Variants in HHIP observed in about 807,000 individuals in gnomAD.
The protein encoded by HHIP is hedgehog-interacting protein.
HHIP carries 12 observed loss-of-function variants against 74.0 expected under a neutral mutation model. That is an observed-to-expected ratio of 0.16 (90% CI 0.10 to 0.26). The LOEUF is 0.26. HHIP is among the 10% of genes least tolerant of loss of function. HHIP has a pLI of 1.00. For missense variants in HHIP, 788 were observed against 845.0 expected (o/e 0.93, Z 0.84); for synonymous variants, 309 against 311.6 (o/e 0.99, Z 0.09).
intron 4 of HHIP, among the ~76,000 whole-genome samples, chr4:144,684,217 C>CA (rs1167254668): frequency 3.6e-3 from 202 of 56,834 alleles, no homozygotes; most frequent in Non-Finnish European, 4.4e-3. Flanking sequence ...ATGAAAAATA[C>CA]AAAAAAAAAA....
In HHIP at chr4:144,646,674, C is replaced by A; in HGVS notation, c.-2C>A. On this transcript the variant is annotated 5_prime_UTR_variant, in exon 1 of 13. Coordinates refer to ENST00000296575, the MANE Select transcript of HHIP (RefSeq NM_022475.3). ...CCCAGCCCCTGCTGCTCTGGGCAGACGATGCTGAAGATGCTCTCCTTTAAG... is the reference window on the plus strand; with the variant it reads ...CCCAGCCCCTGCTGCTCTGGGCAGAAGATGCTGAAGATGCTCTCCTTTAAG... 6.2e-7 allele frequency: 1 copy of A among 1,613,420 alleles called. No homozygotes were observed. The highest frequency in any genetic ancestry group is 8.5e-7 in the Non-Finnish European group (1 of 1,179,566).
chr4:144,662,514 A>G (rs1023007739), intron 4 of HHIP, among the ~76,000 whole-genome samples: 1 of 152,248 alleles, frequency 6.6e-6, no homozygotes, highest in Non-Finnish European at 1.5e-5. Flanking sequence ...TTTTTGCTAT[A>G]GAAAAAAAAG....
rs554741889 is a variant in HHIP, at chr4:144,738,835, G to A, written c.*878G>A. 2 of 252,854 alleles carry A rather than the reference G, an allele frequency of 7.9e-6. No homozygotes were observed. The highest frequency in any genetic ancestry group is 3.0e-4 in the South Asian group (2 of 6,776). 15.7% of individuals were successfully genotyped at this position (252,854 alleles called of 1,614,324 possible). A position where few individuals can be genotyped will look rare whatever the true frequency, so the allele number is the denominator to read the frequency against. The stretch of plus-strand genomic sequence containing the variant: ...AGCAAACAGTCTTTAATGTGCTGTG[G>A]ATCTAATCTAGCAAGGTATCCTTGT... On this transcript the variant is annotated 3_prime_UTR_variant, in exon 13 of 13. Coordinates refer to ENST00000296575, the MANE Select transcript of HHIP (RefSeq NM_022475.3).
At chr4:144,703,081 G>A (rs147126905) in intron 4 of HHIP, among the ~76,000 whole-genome samples, 7 of 152,194 alleles carry the variant, frequency 4.6e-5, no homozygotes, top group Non-Finnish European at 8.8e-5. Context: ...TGGGCATGGT[G>A]CAAGTGCCTG....
chr4:144,693,625 T>TA (rs747982401), intron 4 of HHIP, among the ~76,000 whole-genome samples: 1 of 152,024 alleles, frequency 6.6e-6, no homozygotes, highest in Non-Finnish European at 1.5e-5. Context: ...ACTTTCTTTA[T>TA]AAATCCTATT....
At chr4:144,675,041 C>T (rs76258887) in intron 4 of HHIP, among the ~76,000 whole-genome samples, 4,152 of 152,248 alleles carry the variant, frequency 0.027, 74 homozygotes, top group South Asian at 0.04. Context: ...CTCCTTTACT[C>T]AGAAGACAGT....
intron 4 of HHIP, 145 bp from the exon 5 acceptor site, chr4:144,706,386 T>C (rs901508104): frequency 3.2e-6 from 2 of 616,504 alleles, no homozygotes; most frequent in Non-Finnish European, 5.5e-6. Flanking sequence ...TAATCCTTTT[T>C]TGTGCAGTAG....
At chr4:144,684,962 T>G (rs1177643252) in intron 4 of HHIP, among the ~76,000 whole-genome samples, 5 of 152,194 alleles carry the variant, frequency 3.3e-5, no homozygotes, top group Admixed American at 6.5e-5. Context: ...AATGGAACAA[T>G]TTCCATGTAC....
At chr4:144,650,043 TA>T (rs1728375299) in intron 1 of HHIP, among the ~76,000 whole-genome samples, 1 of 152,178 alleles carries the variant, frequency 6.6e-6, no homozygotes, top group Non-Finnish European at 1.5e-5. Flanking sequence ...GGCGACATCT[TA>T]ATATACTGTC....
intron 4 of HHIP, among the ~76,000 whole-genome samples, chr4:144,665,449 G>A (rs1728835218): frequency 6.6e-6 from 1 of 152,156 alleles, no homozygotes; most frequent in Admixed American, 6.5e-5. Context: ...TTTATTGAGT[G>A]TTGCTGATCC....
chr4:144,741,779 T>C lies in HHIP; in HGVS notation c.*3822T>C, dbSNP rs1177009037. The C allele has an allele frequency of 6.6e-6, 1 of 152,180 alleles. No homozygotes were observed. Among genetic ancestry groups the C allele is most frequent in the Non-Finnish European group, 1.5e-5 (1 of 68,044 alleles). 9.4% of individuals were successfully genotyped at this position (152,180 alleles called of 1,614,324 possible). ...GCTACATCTAGGAGCATTCAAGATA[T>C]ACATTAATTTAAACTTTTATTAGTC... On this transcript the variant is annotated 3_prime_UTR_variant, in exon 13 of 13. Coordinates refer to ENST00000296575, the MANE Select transcript of HHIP (RefSeq NM_022475.3).
chr4:144,708,060 C>A, intron 6 of HHIP, 108 bp from the exon 7 acceptor site: 1 of 1,189,710 alleles, frequency 8.4e-7, no homozygotes, highest in East Asian at 2.5e-5. Context: ...TATTTTATTT[C>A]AACTAAGGGG....
At chr4:144,667,608 C>A (rs1003193597) in intron 4 of HHIP, among the ~76,000 whole-genome samples, 1 of 152,214 alleles carries the variant, frequency 6.6e-6, no homozygotes, top group Admixed American at 6.5e-5. Flanking sequence ...GCCCACCTCA[C>A]TGCAAAGTCC....
intron 11 of HHIP, among the ~76,000 whole-genome samples, chr4:144,733,610 T>C (rs1487143334): frequency 2.6e-5 from 4 of 152,210 alleles, no homozygotes; most frequent in Non-Finnish European, 5.9e-5. Context: ...TTTTGACCTG[T>C]AATGATCACC....
intron 4 of HHIP, among the ~76,000 whole-genome samples, chr4:144,664,736 T>C (rs1441063267): frequency 6.6e-6 from 1 of 152,192 alleles, no homozygotes; most frequent in African/African-American, 2.4e-5. Context: ...ATAAAGCCTG[T>C]GTTAATAGAA....
At chr4:144,649,324 AATAG>A (rs1375871188) in intron 1 of HHIP, among the ~76,000 whole-genome samples, 2 of 152,138 alleles carry the variant, frequency 1.3e-5, no homozygotes, top group Admixed American at 6.5e-5. Flanking sequence ...TTCTTAGACA[AATAG>A]ATAGTAGCAA....
chr4:144,669,942 C>G (rs1384167461), intron 4 of HHIP, among the ~76,000 whole-genome samples: 2 of 147,282 alleles, frequency 1.4e-5, no homozygotes, highest in Non-Finnish European at 3.0e-5. Flanking sequence ...GAGATCCAGA[C>G]TATCCTGACA....
chr4:144,647,725 G>T (rs1682577378), intron 1 of HHIP, among the ~76,000 whole-genome samples: 1 of 152,150 alleles, frequency 6.6e-6, no homozygotes, highest in Admixed American at 6.5e-5. Context: ...TGACTGTAAA[G>T]GCACGCTTGT....
chr4:144,664,331 A>G (rs1206752315), intron 4 of HHIP, among the ~76,000 whole-genome samples: 1 of 152,202 alleles, frequency 6.6e-6, no homozygotes, highest in East Asian at 1.9e-4. Flanking sequence ...AGGAGGATGC[A>G]GGGTCCACCA....
Sources: allele counts gnomAD v4.1 joint callset (sites outside exome capture counted in the v4.1 genomes callset), GRCh38; gene constraint gnomAD v4.1.1; transcripts MANE v1.5; gene names NCBI Gene and HGNC (gene_info 2026-07-23, HGNC 2026-07-21).